The following MAP4 variants were observed in gnomAD, a reference collection of about 807,000 sequenced individuals.
The protein encoded by MAP4 is microtubule associated protein 4.
Under a neutral mutation model 170.2 loss-of-function variants are expected in MAP4, and 76 were observed. The observed-to-expected ratio is 0.45, with a 90% CI of 0.37 to 0.54. The LOEUF (loss-of-function observed/expected upper bound fraction) is 0.54, where lower values mean the gene tolerates loss of function less well. Ranked by LOEUF, MAP4 falls within the 20% of genes least tolerant of loss-of-function variation. The pLI is 0.00. For missense variants in MAP4, 2,506 were observed against 2,748.0 expected, an observed-to-expected ratio of 0.91 and a Z score of 1.97; for synonymous variants, 909 against 994.5, an observed-to-expected ratio of 0.91 and a Z score of 1.62.
Position 47,998,897 on chromosome 3 carries a change from G to T in MAP4, c.-19-18C>A. 3 of 1,396,824 alleles carry T rather than the reference G, an allele frequency of 2.1e-6. No individual in the cohort carries two copies. The highest frequency in any genetic ancestry group is 3.1e-6 in the Non-Finnish European group (3 of 982,800). The allele number at this position is 1,396,824 out of a possible 1,614,324, so 86.5% of individuals were successfully genotyped here. A position where few individuals can be genotyped will look rare whatever the true frequency, so the allele number is the denominator to read the frequency against. ...GCAACTGCCTGGTGAAGAGGAAAAA[G>T]ATCTTTCATGTAACGAGCACTGCAA... On this transcript the variant is annotated intron_variant, in intron 1 of 20. Transcript: ENST00000683076.
chr3:47,957,722 G>A (rs2100068680), intron 3 of MAP4, among the ~76,000 whole-genome samples: 2 of 152,166 alleles, frequency 1.3e-5, no homozygotes, highest in Admixed American at 1.3e-4. Context: ...ACACAGAATG[G>A]TTGGCCTAAT....
intron 3 of MAP4, among the ~76,000 whole-genome samples, chr3:47,957,081 T>C (rs192236707): frequency 6.6e-6 from 1 of 152,200 alleles, no homozygotes; most frequent in African/African-American, 2.4e-5. Context: ...ATTTGCCTTC[T>C]CTGCCTATAA....
At chr3:47,918,427 T>C (rs1294885202) in intron 6 of MAP4, among the ~76,000 whole-genome samples, 2 of 151,914 alleles carry the variant, frequency 1.3e-5, no homozygotes, top group East Asian at 1.9e-4. Context: ...GCCGTAAATC[T>C]GTACTGAATT....
At chr3:47,923,146 T>A (rs2100043943) in intron 4 of MAP4, among the ~76,000 whole-genome samples, 1 of 152,052 alleles carries the variant, frequency 6.6e-6, no homozygotes, top group Non-Finnish European at 1.5e-5. Context: ...TTAATCATCC[T>A]GAAGACTTGT....
intron 3 of MAP4, among the ~76,000 whole-genome samples, chr3:47,935,806 A>G (rs993695757): frequency 2.6e-5 from 4 of 151,398 alleles, no homozygotes; most frequent in African/African-American, 9.7e-5. Context: ...GGGTGTGGTG[A>G]CGTATGTCTG....
chr3:47,968,319 ATTC>A (rs948779048), intron 3 of MAP4, among the ~76,000 whole-genome samples: 8 of 152,202 alleles, frequency 5.3e-5, no homozygotes, highest in Non-Finnish European at 1.2e-4. Flanking sequence ...CCGAATATAC[ATTC>A]TTCTTCAGGA....
At chr3:47,864,582 CAGG>C (rs1426679317) in intron 17 of MAP4, among the ~76,000 whole-genome samples, 3 of 152,046 alleles carry the variant, frequency 2.0e-5, no homozygotes, top group Admixed American at 6.6e-5. Context: ...GAGGCTGAAG[CAGG>C]AGAATAGCAT....
intron 1 of MAP4, among the ~76,000 whole-genome samples, chr3:48,025,362 C>T (rs2154493049): frequency 6.7e-6 from 1 of 149,762 alleles, no homozygotes; most frequent in African/African-American, 2.5e-5. Context: ...GATCTCGGCT[C>T]ACTGCCACCT....
chr3:47,927,305 A>G (rs530173849), intron 4 of MAP4, among the ~76,000 whole-genome samples: 51 of 152,272 alleles, frequency 3.3e-4, no homozygotes, highest in South Asian at 6.2e-4. Flanking sequence ...TGAGCATCTT[A>G]TAAGTTAGAT....
intron 1 of MAP4, among the ~76,000 whole-genome samples, chr3:48,063,428 C>A (rs969362344): frequency 6.6e-6 from 1 of 151,398 alleles, no homozygotes; most frequent in Non-Finnish European, 1.5e-5. Flanking sequence ...AAAAGTTATA[C>A]CCAGTTTGGG....
chr3:47,926,153 G>A (rs1335703870), intron 4 of MAP4, among the ~76,000 whole-genome samples: 1 of 151,570 alleles, frequency 6.6e-6, no homozygotes, highest in African/African-American at 2.4e-5. Flanking sequence ...ACCACGCCCG[G>A]CCAATTCAGT....
chr3:48,000,315 A>G (rs1358047186), intron 1 of MAP4, among the ~76,000 whole-genome samples: 1 of 151,926 alleles, frequency 6.6e-6, no homozygotes, highest in East Asian at 1.9e-4. Flanking sequence ...AAAGTGTGCA[A>G]GGTACTACGC....
intron 10 of MAP4, among the ~76,000 whole-genome samples, chr3:47,882,057 T>C (rs960303815): frequency 1.3e-5 from 2 of 152,238 alleles, no homozygotes; most frequent in Non-Finnish European, 2.9e-5. Flanking sequence ...GGTGGGCTTA[T>C]CACCTGAAGT....
intron 2 of MAP4, among the ~76,000 whole-genome samples, chr3:47,988,956 G>A (rs2100090587): frequency 6.6e-6 from 1 of 152,076 alleles, no homozygotes; most frequent in Non-Finnish European, 1.5e-5. Context: ...GATTACTGGT[G>A]AGCACCACCA....
intron 3 of MAP4, among the ~76,000 whole-genome samples, chr3:47,952,203 C>G (rs545081199): frequency 6.6e-6 from 1 of 151,854 alleles, no homozygotes; most frequent in African/African-American, 2.4e-5. Context: ...GCAGCCACCC[C>G]GTCTGGGAAG....
At chr3:48,062,925 CAA>C (rs199523645) in intron 1 of MAP4, among the ~76,000 whole-genome samples, 14 of 116,416 alleles carry the variant, frequency 1.2e-4, no homozygotes, top group Non-Finnish European at 1.6e-4. Flanking sequence ...AACTCTGTCT[CAA>C]AAAAAAAAAA....
intron 1 of MAP4, among the ~76,000 whole-genome samples, chr3:48,049,691 G>C (rs930611710): frequency 1.3e-5 from 2 of 152,258 alleles, no homozygotes; most frequent in East Asian, 3.9e-4. Flanking sequence ...CCAGCACTTT[G>C]GGAGGCCAAG....
At chr3:47,939,022 G>A (rs1301733584) in intron 3 of MAP4, among the ~76,000 whole-genome samples, 2 of 152,214 alleles carry the variant, frequency 1.3e-5, no homozygotes, top group East Asian at 3.8e-4. Flanking sequence ...CATGCAGTAA[G>A]TATGCTGTCC....
chr3:47,984,563 G>C (rs921804743), intron 2 of MAP4, among the ~76,000 whole-genome samples: 1 of 152,092 alleles, frequency 6.6e-6, no homozygotes, highest in Non-Finnish European at 1.5e-5. Flanking sequence ...TGGGCGTGGT[G>C]GCTCATGCCT....
Sources: allele counts gnomAD v4.1 joint callset (sites outside exome capture counted in the v4.1 genomes callset), GRCh38; gene constraint gnomAD v4.1.1; transcripts MANE v1.5; gene names NCBI Gene and HGNC (gene_info 2026-07-23, HGNC 2026-07-21).